The following MRPL34 variants were observed in gnomAD, a reference collection of about 807,000 sequenced individuals.
The protein encoded by MRPL34 is mitochondrial ribosomal protein L34, also known as large ribosomal subunit protein bL34m.
A neutral mutation model predicts 6.7 loss-of-function variants in MRPL34; 8 were observed. The ratio of observed to expected loss-of-function variants is 1.20; its 90% confidence interval spans 0.70 to 2.16. The LOEUF is 2.16. Ranked by LOEUF, MRPL34 falls within the 30% of genes most tolerant of loss-of-function variation. The probability of loss-of-function intolerance (pLI) is 0.00; values close to 1 mark genes in which losing one functional copy is unlikely to be tolerated. For synonymous variants in MRPL34, 59 were observed against 55.1 expected, an observed-to-expected ratio of 1.07 and a Z score of -0.31; for missense variants, 146 against 125.5, an observed-to-expected ratio of 1.16 and a Z score of -0.78.
In MRPL34 at chr19:17,305,950, G is replaced by A. The variant is rs374027915; in HGVS notation, c.58G>A (p.Gly20Ser). 3 of 1,614,028 alleles carry A rather than the reference G, an allele frequency of 1.9e-6. No individual in the cohort carries two copies. The African/African-American group carries it at 4.0e-5, about 22-fold the overall frequency. The change falls in exon 1 of 2, where the codon GGT becomes AGT. Residue 20 changes from glycine (G) to serine (S), a missense_variant. Gly to Ser is a moderately conservative substitution (Grantham distance 56, BLOSUM62 0). Transcript: ENST00000252602. The part of the protein sequence containing the change: ...GPTSRSAALL[G>S]GRWLQPRAWL... Reference sequence around the variant, plus strand: ...CACGAGTAGGTCGGCAGCGTTGCTGGGTGGCAGGTAAGTCCTCAGGGGGAC... The same window carrying A: ...CACGAGTAGGTCGGCAGCGTTGCTGAGTGGCAGGTAAGTCCTCAGGGGGAC...
chr19:17,292,618 G>C (rs778973189), exon 1 of MRPL34: 1 of 1,561,200 alleles, frequency 6.4e-7, no homozygotes, highest in East Asian at 2.3e-5. Flanking sequence ...GCCTCCTCCT[G>C]CTGCGGCTGT....
chr19:17,304,130 G>T (rs954548938), upstream of MRPL34, among the ~76,000 whole-genome samples: 1 of 152,250 alleles, frequency 6.6e-6, no homozygotes, highest in Non-Finnish European at 1.5e-5. Flanking sequence ...AAGTCTTGGA[G>T]CTGTGGGTAA....
At chr19:17,305,670 G>C (rs1308026378), upstream of MRPL34, 2 of 589,576 alleles carry the variant, frequency 3.4e-6, no homozygotes, top group Non-Finnish European at 6.1e-6. Context: ...GCCGTTCGCC[G>C]GCTACCTGTT....
chr19:17,294,433 G>A (rs779284386), intron 1 of MRPL34: 6 of 1,614,138 alleles, frequency 3.7e-6, no homozygotes, highest in Non-Finnish European at 2.5e-6. Context: ...GAGTACGAAG[G>A]ATGACACGTT....
chr19:17,298,461 G>A (rs1033656118), upstream of MRPL34: 2 of 152,292 alleles, frequency 1.3e-5, no homozygotes, highest in Middle Eastern at 3.4e-3. Context: ...AGAATTTACA[G>A]GATTCCGATG....
exon 1 of MRPL34, chr19:17,292,843 G>A (rs1407363673): frequency 6.2e-7 from 1 of 1,608,992 alleles, no homozygotes; most frequent in Non-Finnish European, 8.5e-7. Context: ...TGCAGAAGAC[G>A]CAGGGCTCAA....
At chr19:17,294,432 G>A (rs1568346709) in intron 1 of MRPL34, 2 of 1,614,042 alleles carry the variant, frequency 1.2e-6, no homozygotes, top group South Asian at 2.2e-5. Context: ...GGAGTACGAA[G>A]GATGACACGT....
chr19:17,301,717 T>A (rs904794051), upstream of MRPL34: 17 of 1,386,754 alleles, frequency 1.2e-5, no homozygotes, highest in Non-Finnish European at 1.6e-5. Flanking sequence ...GAGAACTGTT[T>A]TAGACTCCAG....
At chr19:17,294,950 GTT>G (rs2074087184) in intron 1 of MRPL34, 15 of 1,353,700 alleles carry the variant, frequency 1.1e-5, no homozygotes, top group African/African-American at 2.9e-5. Flanking sequence ...GTTTGAGACA[GTT>G]TTACTCTGTC....
At chr19:17,298,735 C>CTTTT (rs34731394), upstream of MRPL34, among the ~76,000 whole-genome samples, 726 of 70,516 alleles carry the variant, frequency 0.01, 26 homozygotes, top group African/African-American at 0.034. Context: ...AACAACACTG[C>CTTTT]TTTTTTTTTT....
exon 1 of MRPL34, chr19:17,292,609 C>A: frequency 6.5e-7 from 1 of 1,540,024 alleles, no homozygotes; most frequent in Non-Finnish European, 8.7e-7. Context: ...CAGGCTCGGG[C>A]CTCCTCCTGC....
Position 17,306,427 on chromosome 19 carries a change from C to T in MRPL34, c.*48C>T, listed in dbSNP as rs1051157112. ...ACCCTCATGGAAGCATCGCCCTCGC[C>T]TCGGACCTTGCCTGGCGCTATTTTT... On this transcript the variant is annotated 3_prime_UTR_variant, in exon 2 of 2. Transcript: ENST00000252602. 1 of 1,488,592 alleles carries T rather than the reference C, an allele frequency of 6.7e-7. No homozygotes were observed. Among genetic ancestry groups the T allele is most frequent in the Admixed American group, 2.3e-5 (1 of 43,152 alleles). 92.2% of individuals were successfully genotyped at this position (1,488,592 alleles called of 1,614,324 possible). A position where few individuals can be genotyped will look rare whatever the true frequency, so the allele number is the denominator to read the frequency against.
upstream of MRPL34, chr19:17,302,100 T>A (rs1007441814): frequency 6.5e-6 from 1 of 152,904 alleles, no homozygotes. Flanking sequence ...TGACATGTTT[T>A]GTCTGAGCAG....
upstream of MRPL34, chr19:17,303,409 G>A (rs927781340): frequency 2.0e-5 from 3 of 152,310 alleles, no homozygotes; most frequent in African/African-American, 7.2e-5. Context: ...CGCGGCCGCC[G>A]AAACAGCCGG....
upstream of MRPL34, among the ~76,000 whole-genome samples, chr19:17,299,560 CA>C (rs567760409): frequency 0.014 from 736 of 51,502 alleles, 2 homozygotes; most frequent in African/African-American, 0.045. Context: ...GACTCCATCT[CA>C]AAAAAAAAAA....
chr19:17,295,090 A>ATTTTTTTTT lies in MRPL34; in HGVS notation c.214+2254_214+2262dup, dbSNP rs779607230. 7.2e-4 allele frequency among the ~76,000 whole-genome samples: 58 copies of ATTTTTTTTT among 80,416 alleles called. 7 individuals are homozygous for ATTTTTTTTT. The highest frequency in any genetic ancestry group is 2.8e-3 in the African/African-American group (56 of 20,340). 52.8% of individuals were successfully genotyped at this position (80,416 alleles called of 152,430 possible). On this transcript the variant is annotated intron_variant, in intron 1 of 2. Coordinates refer to the MRPL34 transcript ENST00000595444. ...AGGCGCACACCACCACACCCAGGTA[A>ATTTTTTTTT]TTTTTTTTTTTTTTTTTTTTTTTTT...
upstream of MRPL34, chr19:17,301,321 G>A (rs761309621): frequency 6.2e-7 from 1 of 1,607,688 alleles, no homozygotes; most frequent in Non-Finnish European, 8.5e-7. Flanking sequence ...GTCGGCTCGA[G>A]GGGCTCGGCC....
upstream of MRPL34, chr19:17,305,653 A>G (rs1599528627): frequency 1.8e-6 from 1 of 571,286 alleles, no homozygotes; most frequent in South Asian, 2.0e-5. Context: ...GCGCTTGCTC[A>G]GAAGGCGCCG....
At chr19:17,292,994 G>A in intron 1 of MRPL34, 1 of 763,134 alleles carries the variant, frequency 1.3e-6, no homozygotes, top group Non-Finnish European at 2.0e-6. Context: ...GCTGGAGGAT[G>A]GCCTGTAGCC....
Sources: gnomAD v4.1 joint callset for allele counts (sites outside exome capture counted in the v4.1 genomes callset) on GRCh38, gnomAD v4.1.1 for gene constraint, MANE v1.5 for transcripts, NCBI Gene and HGNC (gene_info 2026-07-23, HGNC 2026-07-21) for gene names.